Variants in LRRC37B observed in about 807,000 individuals in gnomAD.
The protein encoded by LRRC37B is leucine rich repeat containing 37B, also known as leucine-rich repeat-containing protein 37B.
A neutral mutation model predicts 98.3 loss-of-function variants in LRRC37B; 28 were observed. That is an observed-to-expected ratio of 0.28 (90% CI 0.21 to 0.39). LRRC37B has a LOEUF of 0.39. Ranked by LOEUF, LRRC37B falls within the 10% of genes least tolerant of loss-of-function variation. LRRC37B has a pLI of 1.00. For missense variants in LRRC37B, 938 were observed against 1,182.7 expected (o/e 0.79, Z 3.03); for synonymous variants, 364 against 442.7 (o/e 0.82, Z 2.23).
intron 1 of LRRC37B, among the ~76,000 whole-genome samples, chr17:32,014,023 T>G (rs1021565955): frequency 2.0e-5 from 3 of 152,190 alleles, no homozygotes; most frequent in African/African-American, 7.2e-5. Context: ...TTTCCCCTAA[T>G]TATCAGTTGA....
intron 7 of LRRC37B, chr17:32,041,160 G>A (rs755053222): frequency 1.3e-5 from 10 of 770,880 alleles, no homozygotes; most frequent in Middle Eastern, 2.3e-4. Flanking sequence ...GATGCGGGAA[G>A]CTTCCTCACG....
intron 1 of LRRC37B, among the ~76,000 whole-genome samples, chr17:32,023,116 C>T (rs1910849404): frequency 6.7e-6 from 1 of 149,072 alleles, no homozygotes; most frequent in Non-Finnish European, 1.5e-5. Flanking sequence ...TTTCGCTTCA[C>T]CCTCTTTTTT....
At chr17:32,034,971 T>C (rs1345322210) in exon 6 of LRRC37B, 2 of 1,605,074 alleles carry the variant, frequency 1.2e-6, no homozygotes, top group African/African-American at 1.3e-5. Flanking sequence ...ACTGCCGGCA[T>C]TAAAATATCT....
intron 7 of LRRC37B, chr17:32,035,907 T>A (rs1911234332): frequency 3.2e-6 from 1 of 313,340 alleles, no homozygotes; most frequent in Non-Finnish European, 5.9e-6. Flanking sequence ...TAGCTACTAA[T>A]CTGATTTCTG....
At chr17:32,027,501 G>GTGTGTGTGCTTGCC (rs1244704820) in intron 2 of LRRC37B, among the ~76,000 whole-genome samples, 1 of 151,262 alleles carries the variant, frequency 6.6e-6, no homozygotes, top group Non-Finnish European at 1.5e-5. Context: ...GTGTGCTTGT[G>GTGTGTGTGCTTGCC]TGTGTGTGCT....
chr17:32,045,488 T>C, intron 7 of LRRC37B: 1 of 560,998 alleles, frequency 1.8e-6, no homozygotes. Context: ...ACCACCTTTA[T>C]TCTAGGCATA....
intron 4 of LRRC37B, 42 bp from the exon 8 acceptor site, chr17:32,031,336 G>T: frequency 6.3e-7 from 1 of 1,594,644 alleles, no homozygotes; most frequent in Non-Finnish European, 8.5e-7. Context: ...TAAATGTTCT[G>T]AAATAATTTT....
chr17:32,017,950 A>G (rs1186349897), upstream of LRRC37B: 14 of 211,232 alleles, frequency 6.6e-5, no homozygotes, highest in Admixed American at 6.0e-4. Flanking sequence ...TTCTGAATTG[A>G]TACTTGCTTA....
rs201573145 is a variant in LRRC37B, at chr17:32,014,701, T to TATAGATAGATAGATAG, written c.-190-3259_-190-3244dup. Reference sequence around the variant, plus strand: ...TGGTGAGACTTCCAATGTATGTAGATATAGATAGATAGATAGATAGATAGA... The same window carrying TATAGATAGATAGATAG: ...TGGTGAGACTTCCAATGTATGTAGATATAGATAGATAGATAGATAGATAGATAGATAGATAGATAGA... On this transcript the variant is annotated intron_variant, in intron 1 of 14. Transcript: ENST00000543378. Among the ~76,000 whole-genome samples the TATAGATAGATAGATAG allele has an allele frequency of 6.4e-4, 97 of 152,084 alleles. 2 individuals are homozygous for TATAGATAGATAGATAG. The highest frequency in any genetic ancestry group is 2.1e-3 in the African/African-American group (88 of 41,444).
At chr17:32,053,387 T>C (rs943889578) in exon 12 of LRRC37B, 85 of 1,320,346 alleles carry the variant, frequency 6.4e-5, no homozygotes, top group South Asian at 2.3e-4. Context: ...TTATTAAATA[T>C]TGGTTTTTTA....
exon 10 of LRRC37B, chr17:32,049,314 T>G (rs754849040): frequency 1.3e-5 from 21 of 1,613,684 alleles, no homozygotes; most frequent in Non-Finnish European, 1.7e-5. Context: ...GAATGTAGAA[T>G]GGGATACGGA....
At position 32,043,713 on chromosome 17, in the gene LRRC37B, T is replaced by A. The variant is rs530894428; in HGVS notation, c.2205-1987T>A. On this transcript the variant is annotated intron_variant, in intron 7 of 11. Transcript: ENST00000327564. ...CACTTGTGATTATTCCTCTATAGGTTTGAAAGATGTATCAGGCCAACTTAC... is the reference window on the plus strand; with the variant it reads ...CACTTGTGATTATTCCTCTATAGGTATGAAAGATGTATCAGGCCAACTTAC... 7.9e-5 allele frequency among the ~76,000 whole-genome samples: 12 copies of A among 152,326 alleles called. No individual in the cohort carries two copies. In the East Asian group the frequency reaches 1.7e-3, roughly 22 times the overall value.
chr17:32,036,450 CAAT>C (rs1265135318), intron 7 of LRRC37B, among the ~76,000 whole-genome samples: 7 of 152,010 alleles, frequency 4.6e-5, no homozygotes. Flanking sequence ...AATAATACAA[CAAT>C]AAAACAGTAG....
At chr17:32,030,632 A>C (rs1911084562) in intron 3 of LRRC37B, 24 bp from the exon 7 acceptor site, 1 of 1,434,306 alleles carries the variant, frequency 7.0e-7, no homozygotes, top group Non-Finnish European at 9.4e-7. Flanking sequence ...TATCAAGGCA[A>C]TATTTTCCTT....
chr17:32,040,565 G>A (rs1911395708), intron 7 of LRRC37B: 1 of 760,728 alleles, frequency 1.3e-6, no homozygotes, highest in South Asian at 1.4e-5. Context: ...GCAAGGCGGT[G>A]ACGGAAATGC....
intron 7 of LRRC37B, chr17:32,041,747 C>T (rs558204464): frequency 6.3e-5 from 29 of 457,722 alleles, no homozygotes; most frequent in African/African-American, 3.4e-4. Context: ...TGACCCCTAA[C>T]GGTGACGGCT....
chr17:32,018,567 A>C (rs974413638), upstream of LRRC37B, among the ~76,000 whole-genome samples: 1 of 152,138 alleles, frequency 6.6e-6, no homozygotes, highest in Admixed American at 6.6e-5. Context: ...ACAGTTGTGG[A>C]CACAGGAGAG....
intron 7 of LRRC37B, among the ~76,000 whole-genome samples, chr17:32,037,961 C>T (rs1911298807): frequency 6.6e-6 from 1 of 151,994 alleles, no homozygotes; most frequent in Admixed American, 6.6e-5. Flanking sequence ...CACACACACA[C>T]ACAAACACAC....
exon 9 of LRRC37B, chr17:32,047,771 A>G: frequency 6.2e-7 from 1 of 1,614,012 alleles, no homozygotes; most frequent in Non-Finnish European, 8.5e-7. Context: ...CTGAAGAAGC[A>G]TCTGTAGGGA....
Sources: allele counts gnomAD v4.1 joint callset (sites outside exome capture counted in the v4.1 genomes callset), GRCh38; gene constraint gnomAD v4.1.1; transcripts MANE v1.5; gene names NCBI Gene and HGNC (gene_info 2026-07-23, HGNC 2026-07-21).